The following ARHGAP6 variants were observed in gnomAD, a reference collection of about 807,000 sequenced individuals.
The protein encoded by ARHGAP6 is Rho GTPase activating protein 6.
In ARHGAP6, 16 loss-of-function variants were observed where a neutral mutation model predicts 55.7. The ratio of observed to expected loss-of-function variants is 0.29; its 90% CI spans 0.19 to 0.44. The LOEUF (loss-of-function observed/expected upper bound fraction) is 0.44. Among genes scored for constraint, ARHGAP6 ranks in the 20% least tolerant of loss-of-function variants. ARHGAP6 has a pLI of 1.00. For synonymous variants in ARHGAP6, 382 were observed against 360.9 expected (o/e 1.06, Z -0.66); for missense variants, 698 against 808.9 (o/e 0.86, Z 1.66).
intron 1 of ARHGAP6, among the ~76,000 whole-genome samples, chrX:11,508,890 A>G (rs1027051299): frequency 4.7e-5 from 5 of 107,217 alleles, no homozygotes; most frequent in African/African-American, 1.8e-4. Flanking sequence ...CATATCACGC[A>G]TCACACATGC....
intron 1 of ARHGAP6, among the ~76,000 whole-genome samples, chrX:11,361,512 A>T (rs1182269973): frequency 9.0e-6 from 1 of 111,054 alleles, no homozygotes; most frequent in African/African-American, 3.3e-5. Context: ...TTCAAGATGG[A>T]TTAAAGACTT....
chrX:11,633,301 G>A (rs1245402028), intron 1 of ARHGAP6, among the ~76,000 whole-genome samples: 2 of 112,420 alleles, frequency 1.8e-5, no homozygotes, highest in Non-Finnish European at 3.8e-5. Flanking sequence ...TTGGCTGTGT[G>A]TCAATACACC....
At chrX:11,162,344 C>A (rs1416967562) in intron 9 of ARHGAP6, among the ~76,000 whole-genome samples, 1 of 96,066 alleles carries the variant, frequency 1.0e-5, no homozygotes, top group Non-Finnish European at 2.1e-5. Flanking sequence ...CCCCCCCCCC[C>A]ATATTTACTG....
intron 1 of ARHGAP6, among the ~76,000 whole-genome samples, chrX:11,361,549 C>A (rs1282233764): frequency 2.4e-4 from 26 of 110,083 alleles, no homozygotes; most frequent in African/African-American, 7.9e-4. Context: ...ACCATAAAAA[C>A]CCTAGAAGAA....
chrX:11,543,676 G>A (rs2051183361), intron 1 of ARHGAP6, among the ~76,000 whole-genome samples: 1 of 112,042 alleles, frequency 8.9e-6, no homozygotes, highest in Non-Finnish European at 1.9e-5. Flanking sequence ...ATGGGAACCT[G>A]CCAGTGGCAA....
At chrX:11,444,689 T>G (rs963929804) in intron 1 of ARHGAP6, among the ~76,000 whole-genome samples, 1 of 112,165 alleles carries the variant, frequency 8.9e-6, no homozygotes, top group African/African-American at 3.2e-5. Flanking sequence ...AAACATCTTG[T>G]CTTCACATTT....
chrX:11,589,336 C>T (rs2051776729), intron 1 of ARHGAP6, among the ~76,000 whole-genome samples: 1 of 109,037 alleles, frequency 9.2e-6, no homozygotes, highest in African/African-American at 3.3e-5. Context: ...GCCACCGCAC[C>T]AGCCTGCACT....
intron 1 of ARHGAP6, among the ~76,000 whole-genome samples, chrX:11,598,780 G>A: frequency 1.8e-5 from 2 of 111,984 alleles, no homozygotes; most frequent in African/African-American, 6.5e-5. Flanking sequence ...GCCATGGCCA[G>A]GCATGGTGGC....
At chrX:11,266,559 A>G (rs1178385051) in intron 1 of ARHGAP6, among the ~76,000 whole-genome samples, 1 of 110,280 alleles carries the variant, frequency 9.1e-6, no homozygotes, top group Non-Finnish European at 1.9e-5. Flanking sequence ...CAGAGTGAAT[A>G]TACCCACATG....
At chrX:11,517,245 T>C in intron 1 of ARHGAP6, among the ~76,000 whole-genome samples, 1 of 111,447 alleles carries the variant, frequency 9.0e-6, no homozygotes, top group South Asian at 3.8e-4. Context: ...ACATGCAAAA[T>C]ATCTTAAGCT....
chrX:11,174,614 TTC>T lies in ARHGAP6; in HGVS notation c.1629+3484_1629+3485del, dbSNP rs756242605. Among the ~76,000 whole-genome samples the T allele has an allele frequency of 9.7e-3, 857 of 88,353 alleles. 9 individuals carry two copies. Among genetic ancestry groups the T allele is most frequent in the Admixed American group, 0.019 (142 of 7,590 alleles). 76.7% of individuals were successfully genotyped at this position (88,353 alleles called of 115,157 possible). Reference sequence around the variant, plus strand: ...TCTTTTTCTTTCTTTCTTTCTTTCTTTCTCTTTCTTTTCTTTCTTTCTTTCTT... The same window carrying T: ...TCTTTTTCTTTCTTTCTTTCTTTCTTTCTTTCTTTTCTTTCTTTCTTTCTT... On this transcript the variant is annotated intron_variant, in intron 8 of 12. Coordinates refer to ENST00000337414, the MANE Select transcript of ARHGAP6 (RefSeq NM_013427.3).
At chrX:11,592,566 C>T (rs2051848783) in intron 1 of ARHGAP6, among the ~76,000 whole-genome samples, 1 of 109,541 alleles carries the variant, frequency 9.1e-6, no homozygotes, top group African/African-American at 3.3e-5. Context: ...ATAATATATA[C>T]AAAAATATGG....
At chrX:11,174,660 T>TTTCTTTCTTTCTTTCTTTC (rs1569241675) in intron 8 of ARHGAP6, among the ~76,000 whole-genome samples, 20 of 88,116 alleles carry the variant, frequency 2.3e-4, no homozygotes, top group African/African-American at 8.8e-4. Context: ...TCTTTCTTTC[T>TTTCTTTCTTTCTTTCTTTC]TTCTTTCTTT....
chrX:11,173,536 G>A (rs1216430373), intron 8 of ARHGAP6, among the ~76,000 whole-genome samples: 1 of 112,237 alleles, frequency 8.9e-6, no homozygotes, highest in Non-Finnish European at 1.9e-5. Context: ...TTGAAGAAAT[G>A]CAATGTTTCT....
At chrX:11,554,768 T>C (rs2051304343) in intron 1 of ARHGAP6, among the ~76,000 whole-genome samples, 2 of 112,200 alleles carry the variant, frequency 1.8e-5, no homozygotes, top group Admixed American at 9.4e-5. Flanking sequence ...CACATGTATT[T>C]GAGAGTGGAA....
At chrX:11,410,833 C>T (rs1603188014) in intron 1 of ARHGAP6, among the ~76,000 whole-genome samples, 1 of 109,617 alleles carries the variant, frequency 9.1e-6, no homozygotes, top group Middle Eastern at 4.6e-3. Flanking sequence ...ATGAACAGAA[C>T]CATAGTGTCT....
chrX:11,644,745 A>G (rs2052509978), intron 1 of ARHGAP6, among the ~76,000 whole-genome samples: 1 of 111,625 alleles, frequency 9.0e-6, no homozygotes, highest in African/African-American at 3.3e-5. Flanking sequence ...TGTTGATGGG[A>G]ATGAAAATGG....
In ARHGAP6 at chrX:11,318,381, A is replaced by G. The variant is rs2048385223; in HGVS notation, c.589-63674T>C. On this transcript the variant is annotated intron_variant, in intron 1 of 12. Transcript: ENST00000337414. The stretch of plus-strand genomic sequence containing the variant: ...CAACTAATGTAATCATAAATATAAA[A>G]ATAAGCAAAATGAGTAAAATTAAAA... 1.8e-5 allele frequency among the ~76,000 whole-genome samples: 2 copies of G among 112,373 alleles called. 1 individual carries two copies. The highest frequency in any genetic ancestry group is 7.3e-4 in the South Asian group (2 of 2,753).
chrX:11,513,271 C>T (rs2050802301), intron 1 of ARHGAP6, among the ~76,000 whole-genome samples: 1 of 111,324 alleles, frequency 9.0e-6, no homozygotes, highest in African/African-American at 3.3e-5. Context: ...CAGGACCCCC[C>T]AGCAAAAACA....
Sources: gnomAD v4.1 joint callset for allele counts (sites outside exome capture counted in the v4.1 genomes callset) on GRCh38, gnomAD v4.1.1 for gene constraint, MANE v1.5 for transcripts, NCBI Gene and HGNC (gene_info 2026-07-23, HGNC 2026-07-21) for gene names.